Variants in BZW2 observed in about 807,000 individuals in gnomAD.
The protein encoded by BZW2 is basic leucine zipper and W2 domains 2.
A neutral mutation model predicts 53.2 loss-of-function variants in BZW2; 23 were observed. The observed-to-expected ratio is 0.43, with a 90% confidence interval of 0.31 to 0.61. The LOEUF (loss-of-function observed/expected upper bound fraction) is 0.61. BZW2 is among the 20% of genes least tolerant of loss of function. The pLI is 0.09. For missense variants in BZW2, 409 were observed against 503.1 expected (o/e 0.81, Z 1.79); for synonymous variants, 227 against 186.4 (o/e 1.22, Z -1.77).
intron 5 of BZW2, 146 bp from the exon 6 acceptor site, chr7:16,685,759 T>A: frequency 9.8e-7 from 1 of 1,018,314 alleles, no homozygotes; most frequent in Non-Finnish European, 1.4e-6. Flanking sequence ...TGAATTACTA[T>A]GCTTTGCATA....
chr7:16,672,283 C>A (rs761660934), intron 2 of BZW2, among the ~76,000 whole-genome samples: 1 of 152,002 alleles, frequency 6.6e-6, no homozygotes, highest in African/African-American at 2.4e-5. Flanking sequence ...TCTGTCTATT[C>A]GATGTATTTT....
At chr7:16,647,615 AG>A (rs1344867058) in intron 1 of BZW2, among the ~76,000 whole-genome samples, 1 of 152,210 alleles carries the variant, frequency 6.6e-6, no homozygotes, top group Non-Finnish European at 1.5e-5. Flanking sequence ...TGTATAACAA[AG>A]ATACTTTTGT....
At chr7:16,672,985 AC>A (rs1782652282) in intron 2 of BZW2, among the ~76,000 whole-genome samples, 1 of 151,052 alleles carries the variant, frequency 6.6e-6, no homozygotes, top group Non-Finnish European at 1.5e-5. Context: ...TCGCTCTGTC[AC>A]CCAGGCTGGA....
intron 6 of BZW2, chr7:16,688,485 T>C (rs1783200334): frequency 6.6e-6 from 1 of 152,244 alleles, no homozygotes; most frequent in Admixed American, 6.5e-5. Flanking sequence ...CTTGGGCAGA[T>C]GAGCTTAAGC....
In BZW2 at chr7:16,682,855, C is replaced by T; in HGVS notation, c.405+10C>T. On this transcript the variant is annotated intron_variant, in intron 5 of 11. Coordinates refer to ENST00000258761, the MANE Select transcript of BZW2 (RefSeq NM_014038.3). Reference sequence around the variant, plus strand: ...AGATGAAATGAAAAAGGTAAAAATTCAAATATAATGCCTATCTGTTTTATA... The same window carrying T: ...AGATGAAATGAAAAAGGTAAAAATTTAAATATAATGCCTATCTGTTTTATA... 1 of 1,534,938 alleles carries T rather than the reference C, an allele frequency of 6.5e-7. No homozygotes were observed. Among genetic ancestry groups the T allele is most frequent in the Non-Finnish European group, 8.9e-7 (1 of 1,118,972 alleles).
intron 2 of BZW2, 35 bp from the exon 3 acceptor site, chr7:16,674,377 T>C: frequency 1.4e-6 from 2 of 1,476,590 alleles, no homozygotes; most frequent in South Asian, 2.6e-5. Flanking sequence ...ATTTATTTAT[T>C]TATTTGACTG....
At chr7:16,664,797 C>G (rs1782370483) in intron 1 of BZW2, among the ~76,000 whole-genome samples, 2 of 152,296 alleles carry the variant, frequency 1.3e-5, no homozygotes, top group East Asian at 3.9e-4. Context: ...AATATAGCTA[C>G]AGGATAAATT....
At position 16,650,656 on chromosome 7, in the gene BZW2, TG is replaced by T. The variant is rs1238716085; in HGVS notation, c.-8+4371del. The stretch of plus-strand genomic sequence containing the variant: ...CTTTATAACATGTCATCCTAGACTT[TG>T]GGATTTTACAAGAATATTTAATTAA... On this transcript the variant is annotated intron_variant, in intron 1 of 11. Transcript: ENST00000258761. Among the ~76,000 whole-genome samples the T allele has an allele frequency of 2.0e-5, 3 of 152,212 alleles. No individual in the cohort carries two copies. In the East Asian group the frequency reaches 5.8e-4, roughly 29 times the overall value.
At chr7:16,703,118 T>C (rs1352390444) in intron 10 of BZW2, among the ~76,000 whole-genome samples, 1 of 152,160 alleles carries the variant, frequency 6.6e-6, no homozygotes. Context: ...TAGGCTCTGA[T>C]GGCTGGTAGA....
In BZW2 at chr7:16,697,117, G is replaced by T. The variant is rs1001504864; in HGVS notation, c.969+56G>T. 4.7e-4 allele frequency: 703 copies of T among 1,509,530 alleles called. 1 individual carries two copies. Among genetic ancestry groups the T allele is most frequent in the East Asian group, 6.0e-4 (25 of 41,370 alleles). 93.5% of individuals were successfully genotyped at this position (1,509,530 alleles called of 1,614,324 possible). On this transcript the variant is annotated intron_variant, in intron 9 of 11. Transcript: ENST00000258761. The stretch of plus-strand genomic sequence containing the variant: ...CCAAGGGCAAACTGCAGCTTTTTTT[G>T]TTTGTTTGTTTGTTTGTTTGAGAGT...
chr7:16,696,915 G>A lies in BZW2; in HGVS notation c.823G>A (p.Val275Met). The A allele has an allele frequency of 1.9e-6, 3 of 1,613,994 alleles. No individual in the cohort carries two copies. The highest frequency in any genetic ancestry group is 2.5e-6 in the Non-Finnish European group (3 of 1,179,932). The change falls in exon 9 of 12, where the codon GTG (valine) becomes ATG (methionine). Residue 275 changes from valine (V) to methionine (M), a missense_variant and splice_region_variant. Physicochemically the swap from Val to Met is conservative, Grantham distance 21 (BLOSUM62 1). This residue lies in a region of BZW2 where 316 missense variants were observed against 366.8 expected (regional missense o/e 0.86). Coordinates refer to ENST00000258761, the MANE Select transcript of BZW2 (RefSeq NM_014038.3). ...CTGACCCCATTTCCATGTAATGTAG[G>A]TGGTGCTTTATGTCAAAGAAGAAAT... ...RLSQECPIKEVVLYVKEEMKR... is the reference protein window; with the variant it reads ...RLSQECPIKEMVLYVKEEMKR...
intron 1 of BZW2, among the ~76,000 whole-genome samples, chr7:16,653,223 A>G (rs547037752): frequency 2.0e-5 from 3 of 152,270 alleles, no homozygotes; most frequent in East Asian, 3.9e-4. Context: ...TTTTTAAGCA[A>G]TTGCTCCAAA....
At chr7:16,659,819 T>C (rs1782205527) in intron 1 of BZW2, among the ~76,000 whole-genome samples, 1 of 152,020 alleles carries the variant, frequency 6.6e-6, no homozygotes, top group African/African-American at 2.4e-5. Flanking sequence ...GGGAATGATA[T>C]TGTTGCCCTA....
chr7:16,689,499 T>C (rs1783235789), intron 6 of BZW2, among the ~76,000 whole-genome samples: 1 of 152,194 alleles, frequency 6.6e-6, no homozygotes, highest in South Asian at 2.1e-4. Flanking sequence ...ACACCAAAGA[T>C]ACTGGGTGTG....
rs138800562 is a variant in BZW2, at chr7:16,698,374, G to A, written c.1108+188G>A. 5.4e-4 allele frequency: 376 copies of A among 700,564 alleles called. 4 individuals are homozygous for A. In the African/African-American group the frequency reaches 5.7e-3, roughly 11 times the overall value. The allele number at this position is 700,564 out of a possible 1,614,324, so 43.4% of individuals were successfully genotyped here. On this transcript the variant is annotated intron_variant, in intron 10 of 11. Transcript: ENST00000258761. ...GAGGAGGCATACACGCCATATATGC[G>A]TTGCCTTGGAAACCCTGCTTAGGCC...
intron 10 of BZW2, among the ~76,000 whole-genome samples, chr7:16,701,718 A>G (rs1783673435): frequency 6.6e-6 from 1 of 152,206 alleles, no homozygotes; most frequent in African/African-American, 2.4e-5. Flanking sequence ...TCAAGTTAAC[A>G]AATTTATTCC....
intron 5 of BZW2, among the ~76,000 whole-genome samples, chr7:16,684,111 CT>C (rs1361227130): frequency 6.6e-6 from 1 of 152,178 alleles, no homozygotes; most frequent in Non-Finnish European, 1.5e-5. Context: ...AAATTACAAT[CT>C]ATCTATACAG....
At chr7:16,659,950 A>G (rs1047447999) in intron 1 of BZW2, among the ~76,000 whole-genome samples, 8 of 151,866 alleles carry the variant, frequency 5.3e-5, no homozygotes, top group Non-Finnish European at 1.0e-4. Flanking sequence ...TGCTGCACCC[A>G]TTAACTCGTC....
At chr7:16,695,319 A>T (rs530446080) in intron 8 of BZW2, among the ~76,000 whole-genome samples, 3 of 152,308 alleles carry the variant, frequency 2.0e-5, no homozygotes, top group African/African-American at 7.2e-5. Flanking sequence ...ATAGCCCATT[A>T]TATGGTAGTT....
Sources: allele counts gnomAD v4.1 joint callset (sites outside exome capture counted in the v4.1 genomes callset), GRCh38; gene constraint gnomAD v4.1.1; regional missense constraint gnomAD v4.1.1; transcripts MANE v1.5; gene names NCBI Gene and HGNC (gene_info 2026-07-23, HGNC 2026-07-21).